EHF: variants seen among roughly 807,000 people sequenced by gnomAD.
EHF encodes the protein ESE3 transcription factor.
A neutral mutation model predicts 45.1 loss-of-function variants in EHF; 14 were observed. The ratio of observed to expected loss-of-function variants is 0.31; its 90% confidence interval spans 0.21 to 0.49. The LOEUF (loss-of-function observed/expected upper bound fraction) is 0.49. Ranked by LOEUF, EHF falls within the 20% of genes least tolerant of loss-of-function variation. The pLI is 0.99. For synonymous variants in EHF, 136 were observed against 131.8 expected, an observed-to-expected ratio of 1.03 and a Z score of -0.22; for missense variants, 282 against 371.4, an observed-to-expected ratio of 0.76 and a Z score of 1.98.
chr11:34,648,911 C>T, intron 3 of EHF, 108 bp from the exon 4 acceptor site: 2 of 1,026,526 alleles, frequency 1.9e-6, no homozygotes, highest in Non-Finnish European at 1.5e-6. Flanking sequence ...GGTGACCAGG[C>T]AGTAGGATGG....
At chr11:34,655,678 T>A (rs1161774571) in intron 6 of EHF, among the ~76,000 whole-genome samples, 1 of 152,204 alleles carries the variant, frequency 6.6e-6, no homozygotes, top group Non-Finnish European at 1.5e-5. Context: ...TTAAATAAAG[T>A]GATTCATTTA....
In EHF at chr11:34,646,644, G is replaced by C. The variant is rs201902620; in HGVS notation, c.303G>C (p.Gly101=). ...QEFTRAAGTA[G]QLLYSNLQHL... ...TCACCCGGGCGGCAGGGACGGCGGG[G>C]CAGCTCCTCTACAGCAACTTGCAGC... Residue 101 remains glycine (G), a synonymous_variant, in exon 3 of 9, where the codon GGG becomes GGC. Coordinates refer to ENST00000257831, the MANE Select transcript of EHF (RefSeq NM_012153.6). 1 of 1,613,188 alleles carries C rather than the reference G, an allele frequency of 6.2e-7. No individual in the cohort carries two copies. Among genetic ancestry groups the C allele is most frequent in the East Asian group, 2.2e-5 (1 of 44,868 alleles).
chr11:34,637,883 A>G (rs573882212), intron 1 of EHF, among the ~76,000 whole-genome samples: 2 of 150,178 alleles, frequency 1.3e-5, no homozygotes, highest in South Asian at 2.1e-4. Flanking sequence ...AGGATAATCT[A>G]CATTTCATTT....
At chr11:34,643,806 T>C (rs1245194160) in intron 2 of EHF, among the ~76,000 whole-genome samples, 1 of 152,186 alleles carries the variant, frequency 6.6e-6, no homozygotes, top group Non-Finnish European at 1.5e-5. Flanking sequence ...TGGAAGTCTT[T>C]GGCATCCCCA....
chr11:34,627,456 A>G (rs1852478957), intron 1 of EHF, among the ~76,000 whole-genome samples: 1 of 151,956 alleles, frequency 6.6e-6, no homozygotes, highest in African/African-American at 2.4e-5. Context: ...ACCGTTGCCC[A>G]CCCCTAAAAT....
intron 1 of EHF, among the ~76,000 whole-genome samples, chr11:34,621,455 T>A (rs765495583): frequency 1.8e-4 from 27 of 152,142 alleles, no homozygotes; most frequent in South Asian, 6.2e-4. Context: ...TCCTGCATTG[T>A]CTGGACTTCT....
intron 2 of EHF, among the ~76,000 whole-genome samples, chr11:34,643,101 T>C (rs1050613959): frequency 1.3e-5 from 2 of 151,726 alleles, no homozygotes; most frequent in African/African-American, 4.9e-5. Flanking sequence ...TGTGTGTATG[T>C]GCGCGTGCAT....
chr11:34,642,765 T>C, intron 2 of EHF, 38 bp downstream of exon 2: 1 of 1,443,194 alleles, frequency 6.9e-7, no homozygotes, highest in Non-Finnish European at 9.8e-7. Flanking sequence ...ACTGCTGTGC[T>C]GTGTGGGCTC....
intron 1 of EHF, among the ~76,000 whole-genome samples, chr11:34,629,700 G>T (rs1852694577): frequency 1.3e-5 from 2 of 152,304 alleles, no homozygotes; most frequent in East Asian, 1.9e-4. Flanking sequence ...TTGCCTGAGG[G>T]ATGGAATTCA....
At chr11:34,624,422 G>A in intron 1 of EHF, 1 of 468,812 alleles carries the variant, frequency 2.1e-6, no homozygotes, top group Non-Finnish European at 2.8e-6. Context: ...ACTGAAAGGA[G>A]GGCATAGATA....
intron 2 of EHF, among the ~76,000 whole-genome samples, chr11:34,645,855 T>C (rs1854456509): frequency 6.6e-6 from 1 of 152,132 alleles, no homozygotes; most frequent in Non-Finnish European, 1.5e-5. Context: ...TAAAGGTAAC[T>C]GAGTAGGGAA....
At chr11:34,625,983 CA>C (rs1008372352) in intron 1 of EHF, among the ~76,000 whole-genome samples, 26 of 152,078 alleles carry the variant, frequency 1.7e-4, no homozygotes, top group Admixed American at 2.6e-4. Flanking sequence ...AAAACAAAGC[CA>C]AAAATAAAAA....
intron 1 of EHF, chr11:34,632,457 T>C (rs1029960729): frequency 1.1e-5 from 17 of 1,494,806 alleles, no homozygotes; most frequent in Non-Finnish European, 1.5e-5. Context: ...CATTCAGCCA[T>C]CCAGACAACC....
chr11:34,640,022 C>CTTTTTT (rs72277773), intron 1 of EHF, among the ~76,000 whole-genome samples: 1 of 145,980 alleles, frequency 6.9e-6, no homozygotes, highest in Non-Finnish European at 1.5e-5. Flanking sequence ...TTATTAAATT[C>CTTTTTT]TTTTTTTTTT....
At chr11:34,642,314 T>C (rs286903) in intron 1 of EHF, 163,844 of 172,062 alleles carry the variant, frequency 0.95, 78,177 homozygotes, top group East Asian at 1. Context: ...AAAAAAAAAC[T>C]GCTTGGATGC....
At chr11:34,634,076 T>C (rs897285777) in intron 1 of EHF, among the ~76,000 whole-genome samples, 2 of 152,224 alleles carry the variant, frequency 1.3e-5, no homozygotes, top group Non-Finnish European at 2.9e-5. Context: ...TTATCTGTGA[T>C]GTAATCCCAA....
rs907609906 is a variant in EHF, at chr11:34,646,683, C to T, written c.342C>T (p.Asn114=). 58 of 1,608,420 alleles carry T rather than the reference C, an allele frequency of 3.6e-5. No individual in the cohort carries two copies. Among genetic ancestry groups the T allele is most frequent in the Non-Finnish European group, 3.9e-5 (46 of 1,179,966 alleles). ...LYSNLQHLKW[N]GQCSSDLFQS... is the part of the protein sequence containing the mutation. ...GCAACTTGCAGCATCTGAAGTGGAA[C>T]GGTGACTCTCTCTTTCTGTGTCTCT... The change falls in exon 3 of 9, where the codon AAC becomes AAT. Residue 114 remains asparagine, a splice_region_variant and synonymous_variant. Transcript: ENST00000257831.
At chr11:34,626,335 AC>A (rs1486963789) in intron 1 of EHF, among the ~76,000 whole-genome samples, 1 of 152,118 alleles carries the variant, frequency 6.6e-6, no homozygotes, top group Non-Finnish European at 1.5e-5. Context: ...AGGGTCTTCT[AC>A]TTTTTGAATA....
intron 6 of EHF, among the ~76,000 whole-genome samples, chr11:34,654,613 A>G (rs1855499011): frequency 3.9e-5 from 6 of 152,176 alleles, no homozygotes. Context: ...CTGACAACTC[A>G]AAGAATATTT....
Sources: allele counts gnomAD v4.1 joint callset (sites outside exome capture counted in the v4.1 genomes callset), GRCh38; gene constraint gnomAD v4.1.1; transcripts MANE v1.5; gene names NCBI Gene and HGNC (gene_info 2026-07-23, HGNC 2026-07-21).